Variants in CERS6 observed in about 807,000 individuals in gnomAD.
The protein encoded by CERS6 is ceramide synthase 6.
Under a neutral mutation model 56.8 loss-of-function variants are expected in CERS6, and 26 were observed. That is an observed-to-expected ratio of 0.46 (90% confidence interval 0.34 to 0.63). The LOEUF is 0.63. Among genes scored for constraint, CERS6 ranks in the 30% least tolerant of loss-of-function variants. The probability of loss-of-function intolerance (pLI) is 0.01; values close to 1 mark genes in which losing one functional copy is unlikely to be tolerated. For missense variants in CERS6, 415 were observed against 467.5 expected (o/e 0.89, Z 1.04); for synonymous variants, 164 against 173.3 (o/e 0.95, Z 0.42).
At chr2:168,631,626 T>TATTA (rs368268207) in intron 4 of CERS6, among the ~76,000 whole-genome samples, 1,720 of 61,758 alleles carry the variant, frequency 0.028, no homozygotes, top group South Asian at 0.05. Context: ...AATATTTATA[T>TATTA]AATATATAGC....
intron 1 of CERS6, among the ~76,000 whole-genome samples, chr2:168,469,636 G>GT: frequency 6.6e-6 from 1 of 152,244 alleles, no homozygotes; most frequent in Non-Finnish European, 1.5e-5. Flanking sequence ...GTAAGGTGAT[G>GT]TATTAGCTGT....
At position 168,590,181 on chromosome 2, in the gene CERS6, A is replaced by T. The variant is rs115503771; in HGVS notation, c.407+28859A>T. On this transcript the variant is annotated intron_variant, in intron 3 of 9. Transcript: ENST00000305747. Reference sequence around the variant, plus strand: ...TTACCAAGTGTGTTCTTGCTGTGAAATTCCTTTCACCTGGGCAACTAGGAG... The same window carrying T: ...TTACCAAGTGTGTTCTTGCTGTGAATTTCCTTTCACCTGGGCAACTAGGAG... Among the ~76,000 whole-genome samples, 764 of 152,304 alleles carry T rather than the reference A, an allele frequency of 5.0e-3. 5 individuals are homozygous for T. The highest frequency in any genetic ancestry group is 0.018 in the African/African-American group (729 of 41,574).
chr2:168,666,391 A>G (rs998622970), intron 4 of CERS6, among the ~76,000 whole-genome samples: 1 of 152,198 alleles, frequency 6.6e-6, no homozygotes, highest in African/African-American at 2.4e-5. Flanking sequence ...TCAGAATGTC[A>G]TATAATTGGA....
intron 4 of CERS6, among the ~76,000 whole-genome samples, chr2:168,633,611 A>G (rs1684798888): frequency 1.3e-5 from 2 of 152,186 alleles, no homozygotes. Flanking sequence ...TAGCTGAATC[A>G]TTATTGCTTA....
chr2:168,604,890 A>G (rs987897630), intron 3 of CERS6, among the ~76,000 whole-genome samples: 34 of 152,302 alleles, frequency 2.2e-4, no homozygotes, highest in South Asian at 8.3e-4. Context: ...CTTTAGAGCC[A>G]TGTGAGAATG....
intron 8 of CERS6, among the ~76,000 whole-genome samples, chr2:168,724,404 A>T (rs1683281616): frequency 6.6e-6 from 1 of 152,140 alleles, no homozygotes; most frequent in African/African-American, 2.4e-5. Context: ...TGTGGAAGGC[A>T]ACCTGAGTGG....
chr2:168,563,424 C>T (rs1468911057), intron 3 of CERS6, among the ~76,000 whole-genome samples: 1 of 152,154 alleles, frequency 6.6e-6, no homozygotes, highest in Non-Finnish European at 1.5e-5. Context: ...CATTTCTTCC[C>T]TCAAGAAATT....
intron 1 of CERS6, among the ~76,000 whole-genome samples, chr2:168,497,707 A>G (rs1471722137): frequency 6.6e-6 from 1 of 152,184 alleles, no homozygotes; most frequent in African/African-American, 2.4e-5. Flanking sequence ...CTCATCACAG[A>G]GGGCCTTGGG....
chr2:168,724,656 G>A (rs1018875240), intron 8 of CERS6, among the ~76,000 whole-genome samples: 1 of 151,164 alleles, frequency 6.6e-6, no homozygotes, highest in Non-Finnish European at 1.5e-5. Flanking sequence ...CACCAGAGTA[G>A]CTAGATACAG....
At chr2:168,756,605 G>T (rs1406359034) in intron 8 of CERS6, among the ~76,000 whole-genome samples, 1 of 152,188 alleles carries the variant, frequency 6.6e-6, no homozygotes, top group East Asian at 1.9e-4. Flanking sequence ...GAGCCCAAGG[G>T]ATAACACATT....
At chr2:168,727,252 T>TA (rs35364154) in intron 8 of CERS6, among the ~76,000 whole-genome samples, 52,688 of 151,018 alleles carry the variant, frequency 0.35, 11,525 homozygotes, top group Non-Finnish European at 0.49. Context: ...TTTCTACAAT[T>TA]AAAAAAAAAC....
At chr2:168,489,955 T>C (rs777094868) in intron 1 of CERS6, among the ~76,000 whole-genome samples, 2 of 152,180 alleles carry the variant, frequency 1.3e-5, no homozygotes, top group African/African-American at 2.4e-5. Flanking sequence ...TCTAATCTTC[T>C]AAATAATGTT....
chr2:168,693,097 G>A (rs76614509), intron 5 of CERS6, among the ~76,000 whole-genome samples: 4,988 of 152,138 alleles, frequency 0.033, 170 homozygotes, highest in African/African-American at 0.079. Context: ...ATGTGAAGTT[G>A]CATTCAGTTG....
Position 168,667,024 on chromosome 2 carries a change from A to G in CERS6, c.466-24010A>G, listed in dbSNP as rs190127224. ...TTTGTTAATTCTCACCAAAAATAAG[A>G]TTTATGTCACAAAAAGCTGGCAAAA... is the stretch of plus-strand genomic sequence containing the variant. On this transcript the variant is annotated intron_variant, in intron 4 of 9. Transcript: ENST00000305747. Among the ~76,000 whole-genome samples the G allele has an allele frequency of 2.3e-3, 354 of 152,352 alleles. 1 individual carries two copies. In the Middle Eastern group the frequency reaches 0.024, roughly 10 times the overall value.
chr2:168,654,013 C>T (rs1574132014), intron 4 of CERS6, among the ~76,000 whole-genome samples: 1 of 152,108 alleles, frequency 6.6e-6, no homozygotes, highest in Non-Finnish European at 1.5e-5. Flanking sequence ...AAAGTTGAAA[C>T]TTTTGGTTTT....
chr2:168,472,504 CTG>C (rs1231009958), intron 1 of CERS6, among the ~76,000 whole-genome samples: 5 of 152,124 alleles, frequency 3.3e-5, no homozygotes, highest in African/African-American at 1.2e-4. Context: ...TGTGTTAAGT[CTG>C]TGCTCATGCT....
intron 4 of CERS6, 126 bp from the exon 5 acceptor site, chr2:168,690,908 T>G: frequency 1.3e-6 from 1 of 759,178 alleles, no homozygotes; most frequent in Non-Finnish European, 2.2e-6. Flanking sequence ...TTTTAAAGTT[T>G]GTCAGTTCTC....
chr2:168,559,145 G>A (rs991140120), intron 2 of CERS6, among the ~76,000 whole-genome samples: 9 of 151,614 alleles, frequency 5.9e-5, no homozygotes, highest in African/African-American at 9.7e-5. Flanking sequence ...TCTCCTTCCC[G>A]TATTTTTGAT....
chr2:168,743,857 A>G (rs1168210892), intron 8 of CERS6, among the ~76,000 whole-genome samples: 3 of 152,166 alleles, frequency 2.0e-5, no homozygotes, highest in Non-Finnish European at 4.4e-5. Flanking sequence ...GTGGGCCACA[A>G]AATTTTTAAA....
Sources: gnomAD v4.1 joint callset for allele counts (sites outside exome capture counted in the v4.1 genomes callset) on GRCh38, gnomAD v4.1.1 for gene constraint, MANE v1.5 for transcripts, NCBI Gene and HGNC (gene_info 2026-07-23, HGNC 2026-07-21) for gene names.